Variants in SYNE1 observed in about 807,000 individuals in gnomAD.
SYNE1 encodes spectrin repeat containing nuclear envelope protein 1.
In SYNE1, 616 loss-of-function variants were observed where a neutral mutation model predicts 1,111.0. The ratio of observed to expected loss-of-function variants is 0.55; its 90% CI spans 0.52 to 0.59. The LOEUF (loss-of-function observed/expected upper bound fraction) is 0.59, where lower values mean the gene tolerates loss of function less well. SYNE1 is among the 20% of genes least tolerant of loss of function. The pLI, the probability that SYNE1 is intolerant of heterozygous loss-of-function variation, is 0.00. For missense variants in SYNE1, 10,006 were observed against 10,417.0 expected, an observed-to-expected ratio of 0.96 and a Z score of 1.72; for synonymous variants, 3,855 against 3,825.8, an observed-to-expected ratio of 1.01 and a Z score of -0.28.
intron 34 of SYNE1, among the ~76,000 whole-genome samples, chr6:152,431,626 T>C (rs1021159929): frequency 1.3e-5 from 2 of 152,054 alleles, no homozygotes; most frequent in Non-Finnish European, 2.9e-5. Flanking sequence ...TCAAAATACA[T>C]CAAAAATTCA....
At chr6:152,280,869 C>T (rs2153721875) in intron 97 of SYNE1, among the ~76,000 whole-genome samples, 1 of 152,178 alleles carries the variant, frequency 6.6e-6, no homozygotes, top group Admixed American at 6.5e-5. Context: ...GATAAGTTTC[C>T]TAAAGCATTA....
In SYNE1 at chr6:152,455,550, T is replaced by A. The variant is rs376880609; in HGVS notation, c.2768A>T (p.Glu923Val). 1.7e-5 allele frequency: 27 copies of A among 1,614,088 alleles called. No homozygotes were observed. The highest frequency in any genetic ancestry group is 1.9e-5 in the Non-Finnish European group (23 of 1,180,034). Reference sequence around the variant, plus strand: ...CTTCTTCATCAAGCGACTGTTGGTTTCCACATGCTTCTTCCAATCTCCAGT... The same window carrying A: ...CTTCTTCATCAAGCGACTGTTGGTTACCACATGCTTCTTCCAATCTCCAGT... ...KKTGDWKKHVETNSRLMKKFE... is the reference protein window; with the variant it reads ...KKTGDWKKHVVTNSRLMKKFE... The change falls in exon 24 of 146, where the codon GAA (glutamate) becomes GTA (valine). Residue 923 changes from glutamate (E) to valine (V), a missense_variant. By Grantham distance (121) the Glu-to-Val change is moderately radical (BLOSUM62 -2). Transcript: ENST00000367255.
chr6:152,390,496 CTTCTTCTATT>C, intron 52 of SYNE1, 44 bp from the exon 53 acceptor site: 1 of 1,597,864 alleles, frequency 6.3e-7, no homozygotes, highest in Non-Finnish European at 8.6e-7. Context: ...ATGTAAAAAC[CTTCTTCTATT>C]TTAAAAAAAT....
At chr6:152,139,759 A>AAGAAGGAAAG (rs2058146151) in intron 140 of SYNE1, among the ~76,000 whole-genome samples, 191 bp downstream of exon 140, 2 of 151,256 alleles carry the variant, frequency 1.3e-5, no homozygotes, top group African/African-American at 4.9e-5. Context: ...GAAAAGAAAA[A>AAGAAGGAAAG]AAAGAAAACC....
At chr6:152,408,405 A>G (rs1158327593) in intron 44 of SYNE1, among the ~76,000 whole-genome samples, 1 of 152,208 alleles carries the variant, frequency 6.6e-6, no homozygotes, top group East Asian at 1.9e-4. Flanking sequence ...TAGCCTTATT[A>G]CTTAAAATTA....
chr6:152,323,994 T>C (rs907700086), intron 81 of SYNE1, among the ~76,000 whole-genome samples: 2 of 151,616 alleles, frequency 1.3e-5, no homozygotes, highest in African/African-American at 4.8e-5. Context: ...GAAAAAGCTT[T>C]AAAAAAAAAC....
At chr6:152,177,536 T>A (rs921546555) in intron 129 of SYNE1, among the ~76,000 whole-genome samples, 6 of 152,218 alleles carry the variant, frequency 3.9e-5, no homozygotes, top group African/African-American at 1.4e-4. Context: ...GTAACAGAGC[T>A]ATCCTCCCAA....
intron 145 of SYNE1, among the ~76,000 whole-genome samples, chr6:152,123,665 G>A (rs143991803): frequency 6.6e-6 from 1 of 152,280 alleles, no homozygotes; most frequent in East Asian, 1.9e-4. Flanking sequence ...GGCATTTGGT[G>A]TACACTCAGA....
intron 130 of SYNE1, chr6:152,168,440 G>C: frequency 2.0e-6 from 1 of 495,674 alleles, no homozygotes; most frequent in Non-Finnish European, 3.6e-6. Context: ...GGCCACGAGT[G>C]TAAGAAGGGG....
intron 111 of SYNE1, among the ~76,000 whole-genome samples, 182 bp downstream of exon 111, chr6:152,234,486 G>T (rs2083526178): frequency 6.6e-6 from 1 of 151,998 alleles, no homozygotes; most frequent in Non-Finnish European, 1.5e-5. Flanking sequence ...GTAGAGACAG[G>T]GTTTCACCAT....
intron 91 of SYNE1, among the ~76,000 whole-genome samples, chr6:152,306,066 C>T (rs562993046): frequency 4.6e-5 from 7 of 152,176 alleles, no homozygotes; most frequent in East Asian, 1.9e-4. Context: ...AGAAAAATCA[C>T]GGAATTTGGA....
chr6:152,459,028 T>C, intron 21 of SYNE1, 98 bp from the exon 22 acceptor site: 1 of 1,044,898 alleles, frequency 9.6e-7, no homozygotes, highest in South Asian at 1.3e-5. Flanking sequence ...TTTAGTGACA[T>C]GATCATTTGG....
intron 92 of SYNE1, among the ~76,000 whole-genome samples, chr6:152,301,472 T>C (rs558280975): frequency 1.3e-5 from 2 of 152,360 alleles, no homozygotes; most frequent in East Asian, 3.9e-4. Context: ...CATGCACATA[T>C]GTAGTTAGCT....
chr6:152,310,118 TTGC>T, intron 89 of SYNE1, 101 bp from the exon 90 acceptor site: 2 of 1,313,842 alleles, frequency 1.5e-6, no homozygotes, highest in Non-Finnish European at 2.0e-6. Context: ...TATAAACATT[TTGC>T]AAAAAAAAAA....
At position 152,376,382 on chromosome 6, in the gene SYNE1, T is replaced by C. The variant is rs767781900; in HGVS notation, c.9323A>G (p.Gln3108Arg). ...AGAATTAATTGATAACACCCTTACC[T>C]GTATTTTCTGAAGACTAGTTGAAAC... ...SEVSTSLQKI[Q>R]EFLSESENGQ... is the part of the protein sequence containing the mutation. Residue 3108 changes from glutamine (Q) to arginine (R), a missense_variant and splice_region_variant, in exon 58 of 146, where the codon CAG becomes CGG. Around this residue, in one of 7 missense-constraint regions of SYNE1, gnomAD observed 4,955 missense variants for 5,017.2 expected, o/e 0.99. Transcript: ENST00000367255. 1 of 1,613,982 alleles carries C rather than the reference T, an allele frequency of 6.2e-7. No individual in the cohort carries two copies. The highest frequency in any genetic ancestry group is 8.5e-7 in the Non-Finnish European group (1 of 1,179,868).
In SYNE1 at chr6:152,281,861, C is replaced by A; in HGVS notation, c.18327G>T (p.Ala6109=). The A allele has an allele frequency of 6.2e-7, 1 of 1,614,166 alleles. No homozygotes were observed. The highest frequency in any genetic ancestry group is 2.2e-5 in the East Asian group (1 of 44,880). ...LLSTKATLDT[A]LSPPKEPMDM... Reference sequence around the variant, plus strand: ...CCATGGGCTCCTTGGGTGGACTCAGCGCAGTGTCCAGAGTGGCCTTGGTAC... The same window carrying A: ...CCATGGGCTCCTTGGGTGGACTCAGAGCAGTGTCCAGAGTGGCCTTGGTAC... Residue 6109 remains alanine, a synonymous_variant, in exon 97 of 146, where the codon GCG becomes GCT. Transcript: ENST00000367255.
chr6:152,620,528 T>C (rs1375813089), intron 3 of SYNE1, among the ~76,000 whole-genome samples: 1 of 152,236 alleles, frequency 6.6e-6, no homozygotes, highest in Non-Finnish European at 1.5e-5. Context: ...TCCTCAATGC[T>C]GTTCCACACA....
intron 126 of SYNE1, 23 bp downstream of exon 126, chr6:152,206,145 C>A: frequency 1.9e-6 from 3 of 1,611,540 alleles, no homozygotes; most frequent in South Asian, 1.1e-5. Context: ...TTTTTTGGTT[C>A]GTTTTTTTCT....
chr6:152,367,391 G>C lies in SYNE1; in HGVS notation c.9808-9C>G. On this transcript the variant is annotated splice_polypyrimidine_tract_variant and intron_variant, in intron 61 of 145. Transcript: ENST00000367255. ...AGTCTTGACACTTTCTCCTGGAAATGACAGAAATGGTTTTCGAGCTGTCCA... is the reference window on the plus strand; with the variant it reads ...AGTCTTGACACTTTCTCCTGGAAATCACAGAAATGGTTTTCGAGCTGTCCA... 1 of 1,613,676 alleles carries C rather than the reference G, an allele frequency of 6.2e-7. No homozygotes were observed. The highest frequency in any genetic ancestry group is 1.3e-5 in the African/African-American group (1 of 75,026).
Sources: allele counts gnomAD v4.1 joint callset (sites outside exome capture counted in the v4.1 genomes callset), GRCh38; gene constraint gnomAD v4.1.1; regional missense constraint gnomAD v4.1.1; transcripts MANE v1.5; gene names NCBI Gene and HGNC (gene_info 2026-07-23, HGNC 2026-07-21).